The following PDE4D variants were observed in gnomAD, a reference collection of about 807,000 sequenced individuals.
The protein encoded by PDE4D is phosphodiesterase 4D, also known as 3',5'-cyclic-AMP phosphodiesterase 4D.
In PDE4D, 24 loss-of-function variants were observed where a neutral mutation model predicts 87.4. That is an observed-to-expected ratio of 0.27 (90% CI 0.20 to 0.39). PDE4D has a LOEUF of 0.39. PDE4D is among the 10% of genes least tolerant of loss of function. The pLI, the probability that PDE4D is intolerant of heterozygous loss-of-function variation, is 1.00. For missense variants in PDE4D, 714 were observed against 1,041.0 expected (o/e 0.69, Z 4.32); for synonymous variants, 384 against 383.2 (o/e 1.00, Z -0.02).
At chr5:59,223,612 G>A (rs1753037831) in intron 1 of PDE4D, among the ~76,000 whole-genome samples, 1 of 152,042 alleles carries the variant, frequency 6.6e-6, no homozygotes, top group South Asian at 2.1e-4. Context: ...TATGAAGCTC[G>A]TTTCTAATCA....
At chr5:59,143,954 C>G (rs949475367) in intron 5 of PDE4D, among the ~76,000 whole-genome samples, 2 of 152,166 alleles carry the variant, frequency 1.3e-5, no homozygotes, top group African/African-American at 4.8e-5. Flanking sequence ...GCAATTGAAG[C>G]TGGCTATCAA....
At chr5:60,026,438 T>C (rs767596736) in intron 2 of PDE4D, among the ~76,000 whole-genome samples, 11 of 152,136 alleles carry the variant, frequency 7.2e-5, no homozygotes, top group Non-Finnish European at 1.3e-4. Flanking sequence ...GCACAGATCA[T>C]AAAATCTTTA....
intron 1 of PDE4D, among the ~76,000 whole-genome samples, chr5:60,242,575 T>C (rs992937930): frequency 1.3e-5 from 2 of 152,132 alleles, no homozygotes; most frequent in Non-Finnish European, 2.9e-5. Context: ...ACAGACCACA[T>C]GTTAGGTCAC....
chr5:60,089,325 A>G (rs2152909914), intron 2 of PDE4D, among the ~76,000 whole-genome samples: 1 of 152,226 alleles, frequency 6.6e-6, no homozygotes, highest in Non-Finnish European at 1.5e-5. Context: ...AAAAAAGTCA[A>G]AATCATATCC....
chr5:60,147,655 G>T (rs1415760146), intron 2 of PDE4D: 1 of 396,742 alleles, frequency 2.5e-6, no homozygotes, highest in Non-Finnish European at 5.0e-6. Context: ...AGAGCTTAGG[G>T]TCTCTCAAGA....
At chr5:59,734,263 A>G (rs1436256617) in intron 1 of PDE4D, among the ~76,000 whole-genome samples, 2 of 152,140 alleles carry the variant, frequency 1.3e-5, no homozygotes, top group East Asian at 3.8e-4. Context: ...AACCAATAGG[A>G]TAAAATAGTG....
chr5:60,461,403 C>T (rs537594178), intron 1 of PDE4D, among the ~76,000 whole-genome samples: 3 of 152,310 alleles, frequency 2.0e-5, no homozygotes, highest in South Asian at 4.1e-4. Flanking sequence ...CAATAGTCCA[C>T]GAAGAGGAAA....
chr5:59,690,958 C>T (rs1360820497), intron 1 of PDE4D, among the ~76,000 whole-genome samples: 1 of 152,134 alleles, frequency 6.6e-6, no homozygotes. Context: ...AGCCAACAGA[C>T]ACATGAAAAA....
intron 1 of PDE4D, among the ~76,000 whole-genome samples, chr5:59,721,634 C>T (rs1755843487): frequency 6.6e-6 from 1 of 152,098 alleles, no homozygotes; most frequent in Non-Finnish European, 1.5e-5. Flanking sequence ...CACTGCTTCT[C>T]CCTACCCTGC....
chr5:59,115,588 T>A (rs1288421937), intron 5 of PDE4D, among the ~76,000 whole-genome samples: 1 of 152,160 alleles, frequency 6.6e-6, no homozygotes, highest in Non-Finnish European at 1.5e-5. Flanking sequence ...CTTCAGTGAG[T>A]GAACATTGTG....
chr5:59,807,005 A>G (rs912854906), intron 1 of PDE4D, among the ~76,000 whole-genome samples: 19 of 152,170 alleles, frequency 1.2e-4, no homozygotes, highest in African/African-American at 4.6e-4. Context: ...GGACATCATA[A>G]AGGCAGGACT....
intron 1 of PDE4D, among the ~76,000 whole-genome samples, chr5:59,668,358 T>G (rs1240970052): frequency 1.3e-5 from 2 of 152,206 alleles, no homozygotes; most frequent in African/African-American, 4.8e-5. Flanking sequence ...CAGATGAGGC[T>G]TCCTCCTGGG....
At chr5:59,515,942 A>T (rs1367031856) in intron 1 of PDE4D, among the ~76,000 whole-genome samples, 1 of 151,678 alleles carries the variant, frequency 6.6e-6, no homozygotes. Context: ...GGAAACATAC[A>T]AAAGTGGATT....
chr5:59,522,889 T>G (rs1057315924), intron 1 of PDE4D, among the ~76,000 whole-genome samples: 1 of 152,192 alleles, frequency 6.6e-6, no homozygotes, highest in Non-Finnish European at 1.5e-5. Context: ...GACTCACAAG[T>G]TGTATACACC....
rs563940226 is a variant in PDE4D, at chr5:58,997,423, G to C, written c.922-3958C>G. On this transcript the variant is annotated intron_variant, in intron 6 of 14. Coordinates refer to ENST00000340635, the MANE Select transcript of PDE4D (RefSeq NM_001104631.2). ...AAGATAACTACATAAAATTACCAAA[G>C]GGGGAAGGACTGATTTAAAGCTAAT... Among the ~76,000 whole-genome samples, 3 of 152,160 alleles carry C rather than the reference G, an allele frequency of 2.0e-5. No individual in the cohort carries two copies. The East Asian group carries it at 5.8e-4, about 29-fold the overall frequency.
At chr5:59,862,523 G>A (rs1746432027) in intron 1 of PDE4D, among the ~76,000 whole-genome samples, 1 of 152,144 alleles carries the variant, frequency 6.6e-6, no homozygotes, top group African/African-American at 2.4e-5. Flanking sequence ...CTGGCTGACT[G>A]TGATGCTAGT....
chr5:58,987,753 T>C (rs931810295), intron 11 of PDE4D, among the ~76,000 whole-genome samples: 4 of 152,190 alleles, frequency 2.6e-5, no homozygotes, highest in South Asian at 2.1e-4. Flanking sequence ...TAATCTACCA[T>C]ATGGGAGGGA....
At chr5:59,093,921 T>C (rs1483660397) in intron 5 of PDE4D, among the ~76,000 whole-genome samples, 1 of 151,874 alleles carries the variant, frequency 6.6e-6, no homozygotes, top group South Asian at 2.1e-4. Context: ...CATATACCAT[T>C]AAAAAGGAGA....
intron 1 of PDE4D, among the ~76,000 whole-genome samples, chr5:59,221,539 G>A (rs1752567785): frequency 6.6e-6 from 1 of 152,120 alleles, no homozygotes; most frequent in Non-Finnish European, 1.5e-5. Context: ...GGTGGAGGCA[G>A]GAGGATCACC....
Sources: gnomAD v4.1 joint callset for allele counts (sites outside exome capture counted in the v4.1 genomes callset) on GRCh38, gnomAD v4.1.1 for gene constraint, MANE v1.5 for transcripts, NCBI Gene and HGNC (gene_info 2026-07-23, HGNC 2026-07-21) for gene names.